The following ROBO2 variants were observed in gnomAD, a reference collection of about 807,000 sequenced individuals.
ROBO2 encodes roundabout guidance receptor 2, also known as roundabout homolog 2.
ROBO2 carries 53 observed loss-of-function variants against 160.8 expected under a neutral mutation model. The observed-to-expected ratio is 0.33, with a 90% CI of 0.26 to 0.41. ROBO2 has a LOEUF of 0.41. Among genes scored for constraint, ROBO2 ranks in the 10% least tolerant of loss-of-function variants. ROBO2 has a pLI of 1.00. For synonymous variants in ROBO2, 664 were observed against 611.7 expected (o/e 1.09, Z -1.26); for missense variants, 1,577 against 1,722.4 (o/e 0.92, Z 1.49).
intron 2 of ROBO2, among the ~76,000 whole-genome samples, chr3:77,102,910 A>G (rs913446508): frequency 3.3e-5 from 5 of 152,234 alleles, no homozygotes; most frequent in African/African-American, 1.2e-4. Flanking sequence ...GACCTCAAAA[A>G]TAATCTCTAG....
chr3:77,305,933 C>A (rs1216064679), intron 2 of ROBO2, among the ~76,000 whole-genome samples: 1 of 152,068 alleles, frequency 6.6e-6, no homozygotes, highest in Non-Finnish European at 1.5e-5. Flanking sequence ...TGAAGACTTT[C>A]TGTAATATAT....
chr3:77,032,627 C>T (rs903969968), intron 2 of ROBO2, among the ~76,000 whole-genome samples: 6 of 152,062 alleles, frequency 3.9e-5, no homozygotes, highest in Admixed American at 1.3e-4. Flanking sequence ...ACAAAGAATA[C>T]CAAACTTCGA....
chr3:76,446,962 A>C (rs377108776), intron 2 of ROBO2, among the ~76,000 whole-genome samples: 36 of 152,362 alleles, frequency 2.4e-4, no homozygotes, highest in East Asian at 1.5e-3. Context: ...AGGCAATACC[A>C]TTCAGGACAT....
At chr3:76,670,427 T>C (rs2092222177) in intron 2 of ROBO2, among the ~76,000 whole-genome samples, 1 of 152,002 alleles carries the variant, frequency 6.6e-6, no homozygotes, top group Non-Finnish European at 1.5e-5. Flanking sequence ...TTGTAAAGAA[T>C]GAGGGATCAA....
intron 2 of ROBO2, among the ~76,000 whole-genome samples, chr3:76,817,384 A>T (rs1440252126): frequency 6.6e-6 from 1 of 152,092 alleles, no homozygotes; most frequent in Admixed American, 6.6e-5. Context: ...TCAGGGCATC[A>T]TTGGAATAAT....
chr3:77,531,348 A>G (rs1234341275), intron 6 of ROBO2, among the ~76,000 whole-genome samples: 1 of 152,008 alleles, frequency 6.6e-6, no homozygotes, highest in Non-Finnish European at 1.5e-5. Context: ...TCACCATTTA[A>G]AAATTATTTT....
intron 1 of ROBO2, among the ~76,000 whole-genome samples, chr3:75,908,888 G>A (rs1946453463): frequency 6.6e-6 from 1 of 152,130 alleles, no homozygotes; most frequent in South Asian, 2.1e-4. Context: ...CTTATAATCA[G>A]GATAAAGACA....
chr3:77,096,184 G>C (rs1294905507), intron 1 of ROBO2, among the ~76,000 whole-genome samples: 1 of 152,098 alleles, frequency 6.6e-6, no homozygotes, highest in African/African-American at 2.4e-5. Context: ...GAAGAGAAAT[G>C]TGCTCATATT....
intron 9 of ROBO2, among the ~76,000 whole-genome samples, chr3:77,559,923 T>C (rs2093265951): frequency 6.6e-6 from 1 of 152,136 alleles, no homozygotes. Flanking sequence ...TGTCTTTTTA[T>C]TGATTGTAAA....
intron 2 of ROBO2, among the ~76,000 whole-genome samples, chr3:76,159,285 A>G (rs962818717): frequency 6.6e-6 from 1 of 152,228 alleles, no homozygotes; most frequent in African/African-American, 2.4e-5. Flanking sequence ...ATACAAGCCC[A>G]TGAAACACAT....
chr3:76,122,451 A>C (rs2070789048), intron 2 of ROBO2, among the ~76,000 whole-genome samples: 1 of 152,098 alleles, frequency 6.6e-6, no homozygotes, highest in Non-Finnish European at 1.5e-5. Flanking sequence ...TTTTATTTCC[A>C]GATGGTTTTA....
intron 2 of ROBO2, among the ~76,000 whole-genome samples, chr3:76,747,340 T>G (rs889546241): frequency 2.3e-4 from 35 of 152,140 alleles, no homozygotes; most frequent in Non-Finnish European, 1.5e-5. Context: ...TTTCTTAACA[T>G]TGTTTAAGTG....
At chr3:77,119,615 G>A (rs188037247) in intron 2 of ROBO2, among the ~76,000 whole-genome samples, 4 of 152,298 alleles carry the variant, frequency 2.6e-5, no homozygotes, top group Admixed American at 6.5e-5. Flanking sequence ...ACATAGAAAC[G>A]GATCTTATCT....
intron 2 of ROBO2, among the ~76,000 whole-genome samples, chr3:76,164,693 G>T (rs985155022): frequency 1.3e-5 from 2 of 152,176 alleles, no homozygotes; most frequent in African/African-American, 4.8e-5. Flanking sequence ...GCTGTAAACA[G>T]ATATACCATC....
intron 2 of ROBO2, among the ~76,000 whole-genome samples, chr3:77,282,262 C>T (rs2060291381): frequency 6.6e-6 from 1 of 151,984 alleles, no homozygotes; most frequent in Non-Finnish European, 1.5e-5. Context: ...TTTTTCTCCT[C>T]CTTTTATGAC....
intron 2 of ROBO2, among the ~76,000 whole-genome samples, chr3:76,587,567 T>C (rs764652266): frequency 2.6e-5 from 4 of 152,054 alleles, no homozygotes; most frequent in Non-Finnish European, 5.9e-5. Context: ...AACTCAATCA[T>C]TATCACGAGA....
At chr3:76,909,407 C>A (rs1214836843) in intron 2 of ROBO2, among the ~76,000 whole-genome samples, 1 of 152,106 alleles carries the variant, frequency 6.6e-6, no homozygotes, top group East Asian at 1.9e-4. Flanking sequence ...CTTCAACTGA[C>A]ACAGAGGAGG....
At chr3:76,747,300 A>G (rs141840792) in intron 2 of ROBO2, among the ~76,000 whole-genome samples, 1 of 152,270 alleles carries the variant, frequency 6.6e-6, no homozygotes, top group East Asian at 1.9e-4. Context: ...TTTATATGAA[A>G]TTTATGACAA....
At chr3:76,706,352 T>C (rs1021124239) in intron 2 of ROBO2, among the ~76,000 whole-genome samples, 2 of 152,124 alleles carry the variant, frequency 1.3e-5, no homozygotes, top group African/African-American at 4.8e-5. Context: ...TCAATTTGAT[T>C]ACCTCATCCG....
Sources: gnomAD v4.1 joint callset for allele counts (sites outside exome capture counted in the v4.1 genomes callset) on GRCh38, gnomAD v4.1.1 for gene constraint, MANE v1.5 for transcripts, NCBI Gene and HGNC (gene_info 2026-07-23, HGNC 2026-07-21) for gene names.